ATF7IP2: variants seen among roughly 807,000 people sequenced by gnomAD.
ATF7IP2 encodes the protein activating transcription factor 7 interacting protein 2, also known as activating transcription factor 7-interacting protein 2.
A neutral mutation model predicts 64.2 loss-of-function variants in ATF7IP2; 42 were observed. The ratio of observed to expected loss-of-function variants is 0.65; its 90% confidence interval spans 0.51 to 0.85. The LOEUF (loss-of-function observed/expected upper bound fraction) is 0.85. Ranked by LOEUF, ATF7IP2 falls within the 40% of genes least tolerant of loss-of-function variation. ATF7IP2 has a pLI of 0.00. For synonymous variants in ATF7IP2, 308 were observed against 272.8 expected (o/e 1.13, Z -1.27); for missense variants, 933 against 784.2 (o/e 1.19, Z -2.27).
At chr16:10,437,365 A>T (rs1217685519) in intron 6 of ATF7IP2, among the ~76,000 whole-genome samples, 1 of 152,138 alleles carries the variant, frequency 6.6e-6, no homozygotes, top group East Asian at 1.9e-4. Flanking sequence ...TGAGCTAACC[A>T]ACTGATTGAT....
chr16:10,403,010 G>T (rs1377392902), intron 1 of ATF7IP2, among the ~76,000 whole-genome samples: 1 of 152,078 alleles, frequency 6.6e-6, no homozygotes, highest in Non-Finnish European at 1.5e-5. Context: ...TTCTATGAAT[G>T]AATGTTATGT....
At chr16:10,397,960 A>AT (rs1567424697) in intron 1 of ATF7IP2, among the ~76,000 whole-genome samples, 1 of 152,156 alleles carries the variant, frequency 6.6e-6, no homozygotes, top group Non-Finnish European at 1.5e-5. Flanking sequence ...AATGTCAGTT[A>AT]AAACCACTAT....
chr16:10,403,304 C>G lies in ATF7IP2; in HGVS notation c.-241-11270C>G, dbSNP rs191187587. Among the ~76,000 whole-genome samples the G allele has an allele frequency of 2.3e-4, 35 of 152,252 alleles. No homozygotes were observed. The East Asian group carries it at 6.2e-3, about 27-fold the overall frequency. On this transcript the variant is annotated intron_variant, in intron 1 of 13. Transcript: ENST00000562102. ...AATTGTCCATACCATGCTGGCTACT[C>G]AAGAGGTTGTGAACCTGCTCACCTA...
At position 10,431,463 on chromosome 16, in the gene ATF7IP2, T is replaced by C; in HGVS notation, c.835+8T>C. On this transcript the variant is annotated splice_region_variant and intron_variant, in intron 5 of 13. Coordinates refer to ENST00000562102, the MANE Select transcript of ATF7IP2 (RefSeq NM_001393719.1). ...TTGACACTAATAACAACAGTAAGTA[T>C]ATACTTATGCACCTTTTAGAAAAAT... 1 of 1,537,146 alleles carries C rather than the reference T, an allele frequency of 6.5e-7. No homozygotes were observed.
At chr16:10,468,895 G>A (rs73497896) in intron 9 of ATF7IP2, among the ~76,000 whole-genome samples, 2,164 of 152,146 alleles carry the variant, frequency 0.014, 46 homozygotes, top group African/African-American at 0.049. Context: ...TAACAGGTAG[G>A]GTCCACAGAT....
At chr16:10,464,412 G>A (rs959148289) in intron 9 of ATF7IP2, among the ~76,000 whole-genome samples, 3 of 152,126 alleles carry the variant, frequency 2.0e-5, no homozygotes, top group Admixed American at 6.5e-5. Context: ...ACTGTTGTCC[G>A]TGTCTATAGT....
chr16:10,429,717 T>A (rs1393964726), intron 4 of ATF7IP2, among the ~76,000 whole-genome samples: 1 of 143,320 alleles, frequency 7.0e-6, no homozygotes, highest in Non-Finnish European at 1.5e-5. Context: ...TTTATTTTAT[T>A]TTATTTTATT....
In ATF7IP2 at chr16:10,480,893, C is replaced by A; in HGVS notation, c.1564C>A (p.Pro522Thr). 11 of 1,610,776 alleles carry A rather than the reference C, an allele frequency of 6.8e-6. No individual in the cohort carries two copies. The highest frequency in any genetic ancestry group is 9.3e-6 in the Non-Finnish European group (11 of 1,177,190). The stretch of plus-strand genomic sequence containing the variant: ...GTTGTTCACAGAAAGTCCAGTATCC[C>A]CCCTGGAGTCACATTCGAAAGCTGC... Reference protein sequence around the residue: ...SNCNTESPVSPLESHSKAASN... With the variant: ...SNCNTESPVSTLESHSKAASN... The change falls in exon 13 of 14, where the codon CCC becomes ACC. Residue 522 changes from proline (P) to threonine (T), a missense_variant. Transcript: ENST00000562102.
intron 8 of ATF7IP2, among the ~76,000 whole-genome samples, chr16:10,456,328 C>T (rs533549199): frequency 2.0e-5 from 3 of 152,150 alleles, no homozygotes; most frequent in African/African-American, 7.2e-5. Context: ...AAGAGTATGC[C>T]CCGGAGAGAA....
At chr16:10,402,616 A>G (rs995600610) in intron 1 of ATF7IP2, among the ~76,000 whole-genome samples, 1 of 152,060 alleles carries the variant, frequency 6.6e-6, no homozygotes, top group Non-Finnish European at 1.5e-5. Context: ...AGCATGTGCC[A>G]CCATGCTTGG....
In ATF7IP2 at chr16:10,431,342, C is replaced by T. The variant is rs748369873; in HGVS notation, c.722C>T (p.Ser241Phe). ...KTPNLVNSVT[S>F]NNCADDILKT... ...CCTAATTTGGTGAATTCAGTCACTTCTAACAACTGTGCTGATGACATTTTG... is the reference window on the plus strand; with the variant it reads ...CCTAATTTGGTGAATTCAGTCACTTTTAACAACTGTGCTGATGACATTTTG... Residue 241 changes from serine (S) to phenylalanine (F), a missense_variant, in exon 5 of 14, where the codon TCT (serine) becomes TTT (phenylalanine). Transcript: ENST00000562102. 1.9e-6 allele frequency: 3 copies of T among 1,614,176 alleles called. No homozygotes were observed. Among genetic ancestry groups the T allele is most frequent in the Non-Finnish European group, 1.7e-6 (2 of 1,180,012 alleles).
At chr16:10,419,914 T>A (rs545982808) in intron 3 of ATF7IP2, among the ~76,000 whole-genome samples, 1 of 152,258 alleles carries the variant, frequency 6.6e-6, no homozygotes, top group East Asian at 1.9e-4. Context: ...CCTTTGCAGC[T>A]GGTTTCTGTA....
intron 9 of ATF7IP2, among the ~76,000 whole-genome samples, chr16:10,458,772 A>G (rs562978213): frequency 6.6e-6 from 1 of 152,382 alleles, no homozygotes; most frequent in East Asian, 1.9e-4. Context: ...ATGGAAAATT[A>G]CAGCCTGCTT....
At chr16:10,481,290 G>T (rs998406353) in intron 13 of ATF7IP2, among the ~76,000 whole-genome samples, 1 of 152,154 alleles carries the variant, frequency 6.6e-6, no homozygotes, top group Admixed American at 6.6e-5. Context: ...TAGTGCGGTG[G>T]CATGATCTCG....
chr16:10,386,354 G>C (rs1283372371), intron 1 of ATF7IP2: 2 of 152,434 alleles, frequency 1.3e-5, no homozygotes, highest in East Asian at 1.9e-4. Context: ...TTCGCAGAGG[G>C]ATACTGGTGA....
In ATF7IP2 at chr16:10,472,188, C is replaced by T; in HGVS notation, c.1426+5C>T. 1 of 1,501,750 alleles carries T rather than the reference C, an allele frequency of 6.7e-7. No homozygotes were observed. The highest frequency in any genetic ancestry group is 9.1e-7 in the Non-Finnish European group (1 of 1,096,090). 93.0% of individuals were successfully genotyped at this position (1,501,750 alleles called of 1,614,324 possible). ...CAATTACATCAAATCCAACAGGTAT[C>T]TTATAGCTGATTAGAATATGATCTA... On this transcript the variant is annotated splice_donor_5th_base_variant and intron_variant, in intron 10 of 13. Transcript: ENST00000562102.
intron 1 of ATF7IP2, among the ~76,000 whole-genome samples, chr16:10,404,314 G>A (rs2047591066): frequency 6.6e-6 from 1 of 152,146 alleles, no homozygotes; most frequent in South Asian, 2.1e-4. Flanking sequence ...TTGAAGTGGT[G>A]CGATCTCTGC....
At chr16:10,437,088 C>G (rs1295420335) in intron 6 of ATF7IP2, among the ~76,000 whole-genome samples, 1 of 147,716 alleles carries the variant, frequency 6.8e-6, no homozygotes, top group East Asian at 2.0e-4. Flanking sequence ...GTGGTGTGAT[C>G]TCGGCTCACT....
chr16:10,424,551 ACAAT>A (rs1352389770), intron 3 of ATF7IP2, among the ~76,000 whole-genome samples: 1 of 152,220 alleles, frequency 6.6e-6, no homozygotes, highest in Non-Finnish European at 1.5e-5. Context: ...AATGGGAAAG[ACAAT>A]CCATATAATG....
Sources: gnomAD v4.1 joint callset for allele counts (sites outside exome capture counted in the v4.1 genomes callset) on GRCh38, gnomAD v4.1.1 for gene constraint, MANE v1.5 for transcripts, NCBI Gene and HGNC (gene_info 2026-07-23, HGNC 2026-07-21) for gene names.